Variants in ZBTB46 observed in about 807,000 individuals in gnomAD.
ZBTB46 encodes the protein zinc finger and BTB domain-containing protein 46.
A neutral mutation model predicts 44.1 loss-of-function variants in ZBTB46; 8 were observed. The ratio of observed to expected loss-of-function variants is 0.18; its 90% CI spans 0.11 to 0.33. The LOEUF (loss-of-function observed/expected upper bound fraction) is 0.33. Among genes scored for constraint, ZBTB46 ranks in the 10% least tolerant of loss-of-function variants. The pLI, the probability that ZBTB46 is intolerant of heterozygous loss-of-function variation, is 1.00. For synonymous variants in ZBTB46, 409 were observed against 382.3 expected, an observed-to-expected ratio of 1.07 and a Z score of -0.81; for missense variants, 651 against 847.7, an observed-to-expected ratio of 0.77 and a Z score of 2.88.
At chr20:63,796,225 G>C (rs768679758) in intron 1 of ZBTB46, among the ~76,000 whole-genome samples, 1 of 152,222 alleles carries the variant, frequency 6.6e-6, no homozygotes, top group African/African-American at 2.4e-5. Flanking sequence ...TAAAACAGCA[G>C]GCGTGATTCA....
At chr20:63,816,313 C>T (rs1304614500) in intron 1 of ZBTB46, 1 of 200,062 alleles carries the variant, frequency 5.0e-6, no homozygotes, top group Non-Finnish European at 1.1e-5. Flanking sequence ...TCACCCTCAA[C>T]ATGACTCCCT....
At chr20:63,749,418 G>C (rs1201083405) in intron 4 of ZBTB46, among the ~76,000 whole-genome samples, 1 of 152,152 alleles carries the variant, frequency 6.6e-6, no homozygotes, top group Non-Finnish European at 1.5e-5. Flanking sequence ...CTCACTGCCA[G>C]CTCCGCCTCC....
In ZBTB46 at chr20:63,752,864, GAA is replaced by G; in HGVS notation, c.1223-5_1223-4del. 6.3e-7 allele frequency: 1 copy of G among 1,593,936 alleles called. No homozygotes were observed. The highest frequency in any genetic ancestry group is 8.6e-7 in the Non-Finnish European group (1 of 1,165,218). On this transcript the variant is annotated splice_region_variant and splice_polypyrimidine_tract_variant and intron_variant, in intron 3 of 4. Coordinates refer to ENST00000245663, the MANE Select transcript of ZBTB46 (RefSeq NM_001369741.1). This position sits in a 1 kb window ranked among gnomAD's most constrained non-coding sequence, Gnocchi z 5.6. ...CCTGATCACCGTGAACTCATTCACT[GAA>G]AGAGAGGGACCCGCGAGGCGTCAGC...
chr20:63,783,876 G>A (rs778402159), intron 2 of ZBTB46, among the ~76,000 whole-genome samples: 1 of 152,194 alleles, frequency 6.6e-6, no homozygotes, highest in Non-Finnish European at 1.5e-5. Context: ...CAGATCTGCC[G>A]TGCTGCTGAA....
In ZBTB46 at chr20:63,775,886, C is replaced by T; in HGVS notation, c.1014G>A (p.Glu338=). 1 of 1,612,234 alleles carries T rather than the reference C, an allele frequency of 6.2e-7. No homozygotes were observed. The highest frequency in any genetic ancestry group is 1.1e-5 in the South Asian group (1 of 90,998). ...GERAELYAQV[E]EGLLGGEASY... ...TGGCTTCTCCTCCCAGGAGACCCTC[C>T]TCCACCTGTGCATAGAGCTCGGCCC... The change falls in exon 3 of 5, where the codon GAG becomes GAA. Residue 338 remains glutamate (E), a synonymous_variant. Transcript: ENST00000245663.
chr20:63,766,273 T>C (rs990274834), intron 3 of ZBTB46, among the ~76,000 whole-genome samples: 8 of 140,186 alleles, frequency 5.7e-5, no homozygotes, highest in African/African-American at 2.1e-4. Context: ...TGGAGTGCAA[T>C]GGCATGATCT....
intron 2 of ZBTB46, among the ~76,000 whole-genome samples, chr20:63,783,445 A>G (rs1278312313): frequency 6.6e-6 from 1 of 152,236 alleles, no homozygotes; most frequent in African/African-American, 2.4e-5. Context: ...AAACAAAAAC[A>G]AAAAATACTC....
chr20:63,749,424 C>T (rs564478785), intron 4 of ZBTB46, among the ~76,000 whole-genome samples: 2 of 152,310 alleles, frequency 1.3e-5, no homozygotes, highest in South Asian at 4.1e-4. Flanking sequence ...GCCAGCTCCG[C>T]CTCCCGGGTT....
intron 2 of ZBTB46, among the ~76,000 whole-genome samples, chr20:63,785,548 G>A (rs545434828): frequency 1.6e-4 from 25 of 152,220 alleles, no homozygotes; most frequent in African/African-American, 4.8e-5. Context: ...TGACAGTGAC[G>A]CTCTGTCTCA....
At position 63,775,933 on chromosome 20, in the gene ZBTB46, T is replaced by C. The variant is rs752989573; in HGVS notation, c.967A>G (p.Ser323Gly). ...GCCCTCTCTCCTCGGCTGTCGGAGCTGCTGGCTTCGGTGACGGACAGGTCC... is the reference window on the plus strand; with the variant it reads ...GCCCTCTCTCCTCGGCTGTCGGAGCCGCTGGCTTCGGTGACGGACAGGTCC... Reference protein sequence around the residue: ...NADLSVTEASSSDSRGERAEL... With the variant: ...NADLSVTEASGSDSRGERAEL... Residue 323 changes from serine to glycine, a missense_variant, in exon 3 of 5, where the codon AGC becomes GGC. By Grantham distance (56) the Ser-to-Gly change is moderately conservative. Around this residue, in one of 5 missense-constraint regions of ZBTB46, gnomAD observed 385 missense variants for 423.3 expected, o/e 0.91. Coordinates refer to ENST00000245663, the MANE Select transcript of ZBTB46 (RefSeq NM_001369741.1). 3.7e-5 allele frequency: 59 copies of C among 1,585,266 alleles called. No individual in the cohort carries two copies. Among genetic ancestry groups the C allele is most frequent in the Non-Finnish European group, 4.8e-5 (56 of 1,168,678 alleles).
chr20:63,812,276 G>A (rs1289223037), intron 1 of ZBTB46, among the ~76,000 whole-genome samples: 1 of 152,190 alleles, frequency 6.6e-6, no homozygotes, highest in Non-Finnish European at 1.5e-5. Context: ...TTGGGAGGCT[G>A]AGGCGGGCAG....
intron 1 of ZBTB46, among the ~76,000 whole-genome samples, chr20:63,796,683 G>A (rs776211152): frequency 6.6e-6 from 1 of 151,820 alleles, no homozygotes; most frequent in African/African-American, 2.4e-5. Context: ...AAATTAGCAG[G>A]ACGTGATGGC....
At chr20:63,749,550 A>C (rs1416051174) in intron 4 of ZBTB46, among the ~76,000 whole-genome samples, 35 of 152,006 alleles carry the variant, frequency 2.3e-4, no homozygotes, top group African/African-American at 4.8e-5. Flanking sequence ...GTTAGCCAGG[A>C]TGGTCTCGAT....
At chr20:63,777,564 T>C in intron 2 of ZBTB46, among the ~76,000 whole-genome samples, 1 of 152,216 alleles carries the variant, frequency 6.6e-6, no homozygotes, top group East Asian at 1.9e-4. Flanking sequence ...GGTGCCCTCC[T>C]GCGGAGCAGG....
At chr20:63,830,764 G>A (rs1290976181) in intron 1 of ZBTB46, among the ~76,000 whole-genome samples, 8 of 146,450 alleles carry the variant, frequency 5.5e-5, no homozygotes, top group Non-Finnish European at 1.2e-4. Flanking sequence ...GGTGCCGGGG[G>A]CCGAGGGGCC....
intron 1 of ZBTB46, among the ~76,000 whole-genome samples, chr20:63,808,998 AAGAAAAAGAAAAAAAAAAAAGAAAG>A (rs2092701783): frequency 2.1e-5 from 3 of 144,998 alleles, no homozygotes; most frequent in Admixed American, 2.0e-4. Context: ...AAAAAAAAAA[AAGAAAAAGAAAAAAAAAAAAGAAAG>A]AAAACTCCAT....
In ZBTB46 at chr20:63,745,900, T is replaced by C. The variant is rs1342560061; in HGVS notation, c.*1030A>G. ...ACAAGCTAAAGGAAAAACAACCCTATATAGTTTCTTCGAGTGAGAAAAATA... is the reference window on the plus strand; with the variant it reads ...ACAAGCTAAAGGAAAAACAACCCTACATAGTTTCTTCGAGTGAGAAAAATA... On this transcript the variant is annotated 3_prime_UTR_variant, in exon 5 of 5. Coordinates refer to ENST00000245663, the MANE Select transcript of ZBTB46 (RefSeq NM_001369741.1). 1 of 152,598 alleles carries C rather than the reference T, an allele frequency of 6.6e-6. No individual in the cohort carries two copies. The highest frequency in any genetic ancestry group is 1.5e-5 in the Non-Finnish European group (1 of 68,038). The allele number at this position is 152,598 out of a possible 1,614,324, so 9.5% of individuals were successfully genotyped here.
At chr20:63,821,789 A>C (rs1418266556) in intron 1 of ZBTB46, among the ~76,000 whole-genome samples, 4 of 152,188 alleles carry the variant, frequency 2.6e-5, no homozygotes, top group African/African-American at 9.7e-5. Context: ...AGAAATACTT[A>C]AAGTACAGAG....
At chr20:63,832,153 G>A (rs2092855481), upstream of ZBTB46, among the ~76,000 whole-genome samples, 1 of 152,148 alleles carries the variant, frequency 6.6e-6, no homozygotes, top group Non-Finnish European at 1.5e-5. The surrounding 1 kb of genome is among the most constrained non-coding windows in gnomAD (Gnocchi z 5.0). Flanking sequence ...CCCGTGTGCA[G>A]CCCCGATCCG....
Sources: gnomAD v4.1 joint callset for allele counts (sites outside exome capture counted in the v4.1 genomes callset) on GRCh38, gnomAD v4.1.1 for gene constraint, gnomAD v4.1.1 regional missense constraint, Gnocchi (gnomAD v3.1) non-coding constraint, MANE v1.5 for transcripts, NCBI Gene and HGNC (gene_info 2026-07-23, HGNC 2026-07-21) for gene names.